ENPP2: variants seen among roughly 807,000 people sequenced by gnomAD.
The protein encoded by ENPP2 is autotaxin.
ENPP2 carries 51 observed loss-of-function variants against 120.2 expected under a neutral mutation model. The observed-to-expected ratio is 0.42, with a 90% confidence interval of 0.34 to 0.54. The LOEUF (loss-of-function observed/expected upper bound fraction) is 0.54, where lower values mean the gene tolerates loss of function less well. Among genes scored for constraint, ENPP2 ranks in the 20% least tolerant of loss-of-function variants. The probability of loss-of-function intolerance (pLI) is 0.04; values close to 1 mark genes in which losing one functional copy is unlikely to be tolerated. For synonymous variants in ENPP2, 365 were observed against 366.4 expected (o/e 1.00, Z 0.04); for missense variants, 920 against 1,066.5 (o/e 0.86, Z 1.91).
chr8:119,589,648 C>T (rs1813364144), intron 13 of ENPP2, among the ~76,000 whole-genome samples: 1 of 152,136 alleles, frequency 6.6e-6, no homozygotes, highest in Non-Finnish European at 1.5e-5. Flanking sequence ...TATTTCACAA[C>T]ATGGTCTGGA....
chr8:119,641,348 G>A (rs1817282471), upstream of ENPP2, among the ~76,000 whole-genome samples: 1 of 151,354 alleles, frequency 6.6e-6, no homozygotes, highest in African/African-American at 2.4e-5. Flanking sequence ...GCTTCACAGT[G>A]CATAAAGTAG....
chr8:119,593,635 A>G, intron 12 of ENPP2, 117 bp downstream of exon 12: 1 of 673,350 alleles, frequency 1.5e-6, no homozygotes, highest in Non-Finnish European at 2.7e-6. Context: ...ATCTTAAAGA[A>G]AGCGGGGATG....
chr8:119,578,089 C>T (rs977002862), intron 19 of ENPP2, among the ~76,000 whole-genome samples: 5 of 152,112 alleles, frequency 3.3e-5, no homozygotes, highest in East Asian at 1.9e-4. Flanking sequence ...CTCGCTCTGT[C>T]GCCCAGGTTG....
chr8:119,615,401 G>A (rs180927529), intron 8 of ENPP2, among the ~76,000 whole-genome samples: 1 of 152,272 alleles, frequency 6.6e-6, no homozygotes, highest in East Asian at 1.9e-4. Flanking sequence ...CTTCAGCCCA[G>A]CTCTGCACAT....
chr8:119,643,099 C>T (rs904567297), upstream of ENPP2, among the ~76,000 whole-genome samples: 4 of 152,134 alleles, frequency 2.6e-5, no homozygotes, highest in African/African-American at 7.2e-5. Context: ...GTAACTATAG[C>T]GCATACACTA....
chr8:119,583,603 G>A lies in ENPP2; in HGVS notation c.1543+114C>T, dbSNP rs1290933449. The A allele has an allele frequency of 9.5e-6, 6 of 629,310 alleles. No individual in the cohort carries two copies. The East Asian group carries it at 1.6e-4, about 17-fold the overall frequency. 39.0% of individuals were successfully genotyped at this position (629,310 alleles called of 1,614,324 possible). A position where few individuals can be genotyped will look rare whatever the true frequency, so the allele number is the denominator to read the frequency against. ...TGGGCAAGTTACAACCTTTTGTGGG[G>A]AAGAGGAGGTAGTCCCAGAAAATAG... is the stretch of plus-strand genomic sequence containing the variant. On this transcript the variant is annotated intron_variant, in intron 17 of 24. Transcript: ENST00000075322.
chr8:119,622,692 G>A (rs1235192141), intron 3 of ENPP2, among the ~76,000 whole-genome samples: 2 of 152,104 alleles, frequency 1.3e-5, no homozygotes, highest in African/African-American at 4.8e-5. Flanking sequence ...GTATTAAATT[G>A]AATTGGAAAT....
intron 22 of ENPP2, among the ~76,000 whole-genome samples, chr8:119,566,073 G>A (rs1356505307): frequency 6.6e-6 from 1 of 152,120 alleles, no homozygotes; most frequent in African/African-American, 2.4e-5. Context: ...CTAAGCTTTT[G>A]CACTTGCTCT....
chr8:119,617,773 C>T (rs1238570308), intron 5 of ENPP2, among the ~76,000 whole-genome samples: 1 of 151,906 alleles, frequency 6.6e-6, no homozygotes, highest in Non-Finnish European at 1.5e-5. Flanking sequence ...CATGGTGAAA[C>T]CCCCATCTCT....
Position 119,619,237 on chromosome 8 carries a change from C to T in ENPP2, c.479+7G>A. Reference sequence around the variant, plus strand: ...AAAACTTCAAAATAGTCATAAAATACACTTACCCTGCAGGGCATTCTGCGG... The same window carrying T: ...AAAACTTCAAAATAGTCATAAAATATACTTACCCTGCAGGGCATTCTGCGG... On this transcript the variant is annotated splice_region_variant and intron_variant, in intron 5 of 24. Coordinates refer to ENST00000075322, the MANE Select transcript of ENPP2 (RefSeq NM_001040092.3). 1 of 1,599,728 alleles carries T rather than the reference C, an allele frequency of 6.3e-7. No individual in the cohort carries two copies. Among genetic ancestry groups the T allele is most frequent in the Non-Finnish European group, 8.6e-7 (1 of 1,167,460 alleles).
At chr8:119,627,094 C>T (rs547830295) in intron 2 of ENPP2, among the ~76,000 whole-genome samples, 2 of 152,118 alleles carry the variant, frequency 1.3e-5, no homozygotes, top group African/African-American at 2.4e-5. Context: ...TGGGTGCTAA[C>T]GATGACCACA....
chr8:119,650,244 CAT>C (rs1817589271), intron 1 of ENPP2, among the ~76,000 whole-genome samples: 1 of 152,132 alleles, frequency 6.6e-6, no homozygotes, highest in Admixed American at 6.5e-5. Context: ...ACAAAAGCCA[CAT>C]GTTTTATGAT....
intron 13 of ENPP2, among the ~76,000 whole-genome samples, chr8:119,589,676 T>C (rs1813365863): frequency 6.6e-6 from 1 of 151,970 alleles, no homozygotes; most frequent in Non-Finnish European, 1.5e-5. Context: ...CTGGAACAGT[T>C]CCAGTTGTGT....
At chr8:119,588,286 T>C (rs1813254718) in intron 13 of ENPP2, among the ~76,000 whole-genome samples, 1 of 152,014 alleles carries the variant, frequency 6.6e-6, no homozygotes, top group Non-Finnish European at 1.5e-5. Flanking sequence ...TCCCAGCACT[T>C]TGAGAGGCAG....
In ENPP2 at chr8:119,631,496, G is replaced by C. The variant is rs150978564; in HGVS notation, c.137-4776C>G. Among the ~76,000 whole-genome samples the C allele has an allele frequency of 7.1e-3, 1,077 of 152,154 alleles. 12 individuals carry two copies. Among genetic ancestry groups the C allele is most frequent in the African/African-American group, 0.025 (1,041 of 41,532 alleles). On this transcript the variant is annotated intron_variant, in intron 2 of 24. Coordinates refer to ENST00000075322, the MANE Select transcript of ENPP2 (RefSeq NM_001040092.3). ...CTTCCAAAGTGCTGGGATTACAGGC[G>C]TGAGCCACCACGCCCAGTCTATCTC...
intron 24 of ENPP2, among the ~76,000 whole-genome samples, chr8:119,558,437 A>T (rs1019765397): frequency 1.3e-5 from 2 of 152,084 alleles, no homozygotes; most frequent in Non-Finnish European, 2.9e-5. Flanking sequence ...GCGGGGGGAA[A>T]GGTAAAGCAA....
intron 1 of ENPP2, among the ~76,000 whole-genome samples, chr8:119,672,998 C>T (rs1244769687): frequency 1.3e-5 from 2 of 152,258 alleles, no homozygotes; most frequent in Admixed American, 6.5e-5. Flanking sequence ...TGGACGGGCT[C>T]GCTTTCCAGA....
At chr8:119,651,410 T>C (rs1406410891) in intron 1 of ENPP2, among the ~76,000 whole-genome samples, 1 of 152,204 alleles carries the variant, frequency 6.6e-6, no homozygotes, top group East Asian at 1.9e-4. Flanking sequence ...TTATAAAATC[T>C]TCACAGTATT....
chr8:119,668,091 C>T (rs994057652), intron 1 of ENPP2, among the ~76,000 whole-genome samples: 2 of 152,098 alleles, frequency 1.3e-5, no homozygotes, highest in African/African-American at 4.8e-5. Flanking sequence ...TTAAATATCC[C>T]TTCTCAGGTG....
Sources: gnomAD v4.1 joint callset for allele counts (sites outside exome capture counted in the v4.1 genomes callset) on GRCh38, gnomAD v4.1.1 for gene constraint, MANE v1.5 for transcripts, NCBI Gene and HGNC (gene_info 2026-07-23, HGNC 2026-07-21) for gene names.